SEMA3A: variants seen among roughly 807,000 people sequenced by gnomAD.
SEMA3A encodes the protein semaphorin-3A.
Under a neutral mutation model 97.9 loss-of-function variants are expected in SEMA3A, and 29 were observed. That is an observed-to-expected ratio of 0.30 (90% confidence interval 0.22 to 0.40). The LOEUF (loss-of-function observed/expected upper bound fraction) is 0.40. SEMA3A is among the 10% of genes least tolerant of loss of function. The probability of loss-of-function intolerance (pLI) is 1.00; values close to 1 mark genes in which losing one functional copy is unlikely to be tolerated. For synonymous variants in SEMA3A, 321 were observed against 323.7 expected, an observed-to-expected ratio of 0.99 and a Z score of 0.09; for missense variants, 763 against 951.3, an observed-to-expected ratio of 0.80 and a Z score of 2.60.
At chr7:84,389,029 C>A (rs766764032) in intron 1 of SEMA3A, among the ~76,000 whole-genome samples, 1 of 151,856 alleles carries the variant, frequency 6.6e-6, no homozygotes. Flanking sequence ...AAGCAAATTA[C>A]AAAAAGGAGA....
intron 1 of SEMA3A, among the ~76,000 whole-genome samples, chr7:84,408,136 C>T (rs899034961): frequency 6.6e-6 from 1 of 152,072 alleles, no homozygotes; most frequent in African/African-American, 2.4e-5. Context: ...ATTTTGCAAC[C>T]TACTCATCTG....
In SEMA3A at chr7:84,491,510, A is replaced by C. The variant is rs140628465; in HGVS notation, c.-246+950T>G. On this transcript the variant is annotated intron_variant, in intron 1 of 3. Coordinates refer to the SEMA3A transcript ENST00000424555. ...TATGTTCTATGTGTTTATTTCTTAC[A>C]TGAAGCATCATACATTTGAGCAGCA... is the stretch of plus-strand genomic sequence containing the variant. Among the ~76,000 whole-genome samples the C allele has an allele frequency of 5.2e-3, 797 of 152,278 alleles. 5 individuals carry two copies. Among genetic ancestry groups the C allele is most frequent in the Non-Finnish European group, 8.1e-3 (553 of 68,016 alleles).
At chr7:84,147,588 G>C (rs1018568548) in intron 1 of SEMA3A, among the ~76,000 whole-genome samples, 1 of 152,198 alleles carries the variant, frequency 6.6e-6, no homozygotes, top group Non-Finnish European at 1.5e-5. Flanking sequence ...AGACAGGCTT[G>C]TGTGGCTGGC....
At chr7:84,181,079 G>T (rs895345363) in intron 1 of SEMA3A, among the ~76,000 whole-genome samples, 5 of 151,906 alleles carry the variant, frequency 3.3e-5, no homozygotes, top group African/African-American at 1.2e-4. Flanking sequence ...AAGTTGATAA[G>T]GTAATGGTTA....
intron 2 of SEMA3A, among the ~76,000 whole-genome samples, chr7:84,312,679 G>A (rs914822311): frequency 2.7e-5 from 4 of 146,804 alleles, no homozygotes; most frequent in East Asian, 2.0e-4. Flanking sequence ...GTACACACAC[G>A]CGTGTACACA....
intron 6 of SEMA3A, among the ~76,000 whole-genome samples, chr7:84,034,736 T>C (rs762457801): frequency 2.0e-5 from 3 of 152,186 alleles, no homozygotes; most frequent in Non-Finnish European, 2.9e-5. Flanking sequence ...TGAAGTATTA[T>C]TGGTCTTTGT....
At chr7:84,325,766 A>G (rs1801761168) in intron 2 of SEMA3A, among the ~76,000 whole-genome samples, 1 of 152,140 alleles carries the variant, frequency 6.6e-6, no homozygotes, top group Admixed American at 6.6e-5. Flanking sequence ...AAGGAATACA[A>G]TGATGTTATT....
In SEMA3A at chr7:84,097,371, T is replaced by C. The variant is rs566675666; in HGVS notation, c.453+13099A>G. Among the ~76,000 whole-genome samples, 23 of 152,276 alleles carry C rather than the reference T, an allele frequency of 1.5e-4. 1 individual carries two copies. The South Asian group carries it at 4.3e-3, about 29-fold the overall frequency. ...TTAATCAGTAATCTATGTTCTTTAG[T>C]GTACATGCATAGTGAATAGATAAGT... On this transcript the variant is annotated intron_variant, in intron 4 of 16. Transcript: ENST00000265362.
intron 4 of SEMA3A, among the ~76,000 whole-genome samples, chr7:84,068,809 G>C (rs1793637690): frequency 6.6e-6 from 1 of 152,098 alleles, no homozygotes; most frequent in African/African-American, 2.4e-5. Flanking sequence ...CATAGGAAGA[G>C]AGGTTAAGCA....
At chr7:84,275,965 A>T (rs577642428) in intron 3 of SEMA3A, among the ~76,000 whole-genome samples, 4 of 152,212 alleles carry the variant, frequency 2.6e-5, no homozygotes, top group Non-Finnish European at 5.9e-5. Flanking sequence ...TTACATTTTT[A>T]TCGGACGTTG....
intron 1 of SEMA3A, among the ~76,000 whole-genome samples, chr7:84,417,295 G>A (rs1804462704): frequency 6.6e-6 from 1 of 152,002 alleles, no homozygotes; most frequent in African/African-American, 2.4e-5. Context: ...GTCCAGAACT[G>A]TTAACTTGAT....
chr7:84,127,431 T>C (rs1454287839), intron 3 of SEMA3A, among the ~76,000 whole-genome samples: 1 of 152,098 alleles, frequency 6.6e-6, no homozygotes, highest in Non-Finnish European at 1.5e-5. Flanking sequence ...TTTCCACTTA[T>C]CCTTGTATTC....
chr7:83,982,523 GCT>G (rs1789456912), intron 13 of SEMA3A, among the ~76,000 whole-genome samples: 2 of 152,204 alleles, frequency 1.3e-5, no homozygotes, highest in Middle Eastern at 6.8e-3. Context: ...TGGCACCATA[GCT>G]CTCTTTTCTT....
At chr7:84,142,410 T>C (rs903512310) in intron 1 of SEMA3A, among the ~76,000 whole-genome samples, 4 of 152,126 alleles carry the variant, frequency 2.6e-5, no homozygotes, top group Non-Finnish European at 5.9e-5. Flanking sequence ...TTCATTCCCA[T>C]TTTTTTCTCA....
At chr7:84,405,179 A>C (rs530679647) in intron 1 of SEMA3A, among the ~76,000 whole-genome samples, 9 of 152,076 alleles carry the variant, frequency 5.9e-5, no homozygotes, top group Admixed American at 3.9e-4. Context: ...ACATAGGCTC[A>C]AAAAAAAGGG....
chr7:84,350,966 C>T (rs1802423650), intron 2 of SEMA3A, among the ~76,000 whole-genome samples: 1 of 151,712 alleles, frequency 6.6e-6, no homozygotes. Flanking sequence ...TTGTGATTCT[C>T]CTTGAAGATT....
chr7:84,427,686 G>GAATTTTTACA (rs202107624), intron 1 of SEMA3A, among the ~76,000 whole-genome samples: 1 of 141,990 alleles, frequency 7.0e-6, no homozygotes, highest in African/African-American at 2.6e-5. Flanking sequence ...TCACTCATAT[G>GAATTTTTACA]TAACAATTAA....
At chr7:84,120,191 C>A (rs1305428915) in intron 3 of SEMA3A, among the ~76,000 whole-genome samples, 1 of 151,764 alleles carries the variant, frequency 6.6e-6, no homozygotes, top group Non-Finnish European at 1.5e-5. Context: ...AGACTTGGTT[C>A]ATGGCAATTC....
At chr7:84,289,768 T>C (rs1800695945) in intron 3 of SEMA3A, among the ~76,000 whole-genome samples, 1 of 152,134 alleles carries the variant, frequency 6.6e-6, no homozygotes, top group South Asian at 2.1e-4. Flanking sequence ...ATTCCACTTG[T>C]AGATATGTAC....
Sources: gnomAD v4.1 joint callset for allele counts (sites outside exome capture counted in the v4.1 genomes callset) on GRCh38, gnomAD v4.1.1 for gene constraint, MANE v1.5 for transcripts, NCBI Gene and HGNC (gene_info 2026-07-23, HGNC 2026-07-21) for gene names.